The following ST6GALNAC3 variants were observed in gnomAD, a reference collection of about 807,000 sequenced individuals.
ST6GALNAC3 encodes alpha-N-acetylgalactosaminide alpha-2,6-sialyltransferase 3.
In ST6GALNAC3, 25 loss-of-function variants were observed where a neutral mutation model predicts 32.7. That is an observed-to-expected ratio of 0.76 (90% CI 0.56 to 1.07). ST6GALNAC3 has a LOEUF of 1.07. Ranked by LOEUF, ST6GALNAC3 falls within the 50% of genes least tolerant of loss-of-function variation. The probability of loss-of-function intolerance (pLI) is 0.00; values close to 1 mark genes in which losing one functional copy is unlikely to be tolerated. For missense variants in ST6GALNAC3, 355 were observed against 382.4 expected (o/e 0.93, Z 0.60); for synonymous variants, 129 against 133.1 (o/e 0.97, Z 0.21).
At chr1:76,087,893 T>C (rs1323630776) in intron 1 of ST6GALNAC3, among the ~76,000 whole-genome samples, 2 of 152,366 alleles carry the variant, frequency 1.3e-5, no homozygotes, top group African/African-American at 4.8e-5. Context: ...CTGTATTTAA[T>C]TCATACACAT....
downstream of ST6GALNAC3, among the ~76,000 whole-genome samples, chr1:76,636,724 G>T (rs569424186): frequency 1.3e-5 from 2 of 152,056 alleles, no homozygotes; most frequent in South Asian, 4.1e-4. Context: ...TTGCATCCTA[G>T]AAGTTTTTTT....
intron 1 of ST6GALNAC3, among the ~76,000 whole-genome samples, chr1:76,158,358 G>A (rs558954765): frequency 9.9e-5 from 15 of 152,282 alleles, no homozygotes; most frequent in Middle Eastern, 6.8e-3. Flanking sequence ...ACTGAGTCAG[G>A]CCAATTAACT....
chr1:76,178,135 C>G (rs953887283), intron 1 of ST6GALNAC3, among the ~76,000 whole-genome samples: 5 of 152,216 alleles, frequency 3.3e-5, no homozygotes, highest in Admixed American at 1.3e-4. Flanking sequence ...TTCAGAGGCT[C>G]TGCCTCAGGA....
intron 1 of ST6GALNAC3, among the ~76,000 whole-genome samples, chr1:76,202,440 G>C (rs1654582333): frequency 6.6e-6 from 1 of 152,064 alleles, no homozygotes; most frequent in African/African-American, 2.4e-5. Context: ...CCTAAGCTTT[G>C]TTTAAATAAA....
At chr1:76,343,935 C>G (rs1570903579) in intron 2 of ST6GALNAC3, among the ~76,000 whole-genome samples, 1 of 152,054 alleles carries the variant, frequency 6.6e-6, no homozygotes, top group African/African-American at 2.4e-5. Flanking sequence ...ATGTATTCAT[C>G]AAAGAGTTGT....
chr1:76,210,128 T>C (rs559788607), intron 1 of ST6GALNAC3, among the ~76,000 whole-genome samples: 26 of 152,002 alleles, frequency 1.7e-4, no homozygotes, highest in African/African-American at 6.0e-4. Flanking sequence ...GTTTGCTACA[T>C]AGGTATATGT....
At chr1:76,162,246 A>G (rs1238736393) in intron 1 of ST6GALNAC3, among the ~76,000 whole-genome samples, 1 of 152,240 alleles carries the variant, frequency 6.6e-6, no homozygotes, top group Non-Finnish European at 1.5e-5. Context: ...TCCATGTAAA[A>G]GATGCTCAGC....
chr1:76,395,339 G>A (rs1345005710), intron 2 of ST6GALNAC3, among the ~76,000 whole-genome samples: 1 of 152,120 alleles, frequency 6.6e-6, no homozygotes, highest in African/African-American at 2.4e-5. Flanking sequence ...ATACACTGTT[G>A]GTAGAAATGC....
intron 3 of ST6GALNAC3, among the ~76,000 whole-genome samples, chr1:76,533,699 A>G (rs1352359044): frequency 6.6e-6 from 1 of 152,128 alleles, no homozygotes; most frequent in African/African-American, 2.4e-5. Context: ...CAGCCTGAAT[A>G]TGGTCCGTAC....
At chr1:76,362,523 A>G (rs1479845884) in intron 2 of ST6GALNAC3, among the ~76,000 whole-genome samples, 1 of 152,216 alleles carries the variant, frequency 6.6e-6, no homozygotes, top group African/African-American at 2.4e-5. Flanking sequence ...CCAAAGTCTC[A>G]TCTGAGACAA....
chr1:76,155,224 T>C (rs928470650), intron 1 of ST6GALNAC3, among the ~76,000 whole-genome samples: 9 of 152,082 alleles, frequency 5.9e-5, no homozygotes, highest in African/African-American at 9.7e-5. Flanking sequence ...TGAACCTAAA[T>C]TCCCACAGGA....
At chr1:76,255,332 A>T (rs1196086725) in intron 1 of ST6GALNAC3, among the ~76,000 whole-genome samples, 1 of 152,106 alleles carries the variant, frequency 6.6e-6, no homozygotes, top group Non-Finnish European at 1.5e-5. Context: ...GTTAAATGAT[A>T]CATTTTGTAG....
intron 3 of ST6GALNAC3, among the ~76,000 whole-genome samples, chr1:76,456,983 C>T (rs1229069350): frequency 6.6e-6 from 1 of 152,016 alleles, no homozygotes; most frequent in African/African-American, 2.4e-5. Flanking sequence ...TCTCCTTAAG[C>T]TGATAAGCAA....
chr1:76,272,256 G>A (rs1349420877), intron 1 of ST6GALNAC3, among the ~76,000 whole-genome samples: 4 of 150,098 alleles, frequency 2.7e-5, no homozygotes, highest in Non-Finnish European at 5.9e-5. Context: ...AACCCAGGTC[G>A]AGGTTGCAGT....
chr1:76,117,975 C>CT (rs951636586), intron 1 of ST6GALNAC3, among the ~76,000 whole-genome samples: 2 of 151,962 alleles, frequency 1.3e-5, no homozygotes, highest in African/African-American at 2.4e-5. Context: ...ACAGTAAGTT[C>CT]TTTTTTTTAT....
At chr1:76,325,876 T>C (rs1337946605) in intron 2 of ST6GALNAC3, among the ~76,000 whole-genome samples, 5 of 151,986 alleles carry the variant, frequency 3.3e-5, no homozygotes, top group South Asian at 2.1e-4. Context: ...TATTTTTATA[T>C]AATTGTTGCT....
At chr1:76,517,828 A>T (rs780242466) in intron 3 of ST6GALNAC3, among the ~76,000 whole-genome samples, 32 of 151,950 alleles carry the variant, frequency 2.1e-4, no homozygotes, top group Admixed American at 3.9e-4. Context: ...AATGTATGCA[A>T]TTGGAGAGTT....
chr1:76,428,213 C>T (rs1176286697), intron 3 of ST6GALNAC3, among the ~76,000 whole-genome samples: 1 of 152,004 alleles, frequency 6.6e-6, no homozygotes, highest in African/African-American at 2.4e-5. Context: ...TCCTGACATA[C>T]AACCCTGAAA....
intron 1 of ST6GALNAC3, among the ~76,000 whole-genome samples, chr1:76,297,466 A>C (rs1190250783): frequency 6.6e-6 from 1 of 152,044 alleles, no homozygotes; most frequent in East Asian, 1.9e-4. Flanking sequence ...ATGACTAAAT[A>C]AATACAGGAT....
Sources: allele counts gnomAD v4.1 joint callset (sites outside exome capture counted in the v4.1 genomes callset), GRCh38; gene constraint gnomAD v4.1.1; transcripts MANE v1.5; gene names NCBI Gene and HGNC (gene_info 2026-07-23, HGNC 2026-07-21).